The following DHRS1 variants were observed in gnomAD, a reference collection of about 807,000 sequenced individuals.
DHRS1 encodes the protein dehydrogenase/reductase SDR family member 1.
A neutral mutation model predicts 35.2 loss-of-function variants in DHRS1; 34 were observed. That is an observed-to-expected ratio of 0.97 (90% CI 0.74 to 1.29). The LOEUF (loss-of-function observed/expected upper bound fraction) is 1.29, where lower values mean the gene tolerates loss of function less well. Ranked by LOEUF, DHRS1 falls within the 50% of genes most tolerant of loss-of-function variation. The pLI is 0.00. For missense variants in DHRS1, 354 were observed against 403.6 expected, an observed-to-expected ratio of 0.88 and a Z score of 1.05; for synonymous variants, 133 against 160.0, an observed-to-expected ratio of 0.83 and a Z score of 1.27.
At chr14:24,296,646 G>A in intron 3 of DHRS1, 58 bp from the exon 4 acceptor site, 1 of 1,613,462 alleles carries the variant, frequency 6.2e-7, no homozygotes, top group Admixed American at 1.7e-5. Context: ...TGAGGGGCTG[G>A]GTAATGGAAG....
chr14:24,293,095 TAGAAAAA>T, intron 4 of DHRS1: 1 of 308,058 alleles, frequency 3.2e-6, no homozygotes, highest in South Asian at 5.2e-5. Flanking sequence ...AGTGTCTACA[TAGAAAAA>T]CTATAAAACC....
intron 4 of DHRS1, chr14:24,293,865 A>T (rs1566402881): frequency 6.6e-6 from 1 of 152,318 alleles, no homozygotes; most frequent in East Asian, 1.9e-4. Flanking sequence ...AAGACATAAT[A>T]GTTAAAAGAA....
In DHRS1 at chr14:24,296,487, G is replaced by A. The variant is rs573063395; in HGVS notation, c.374+22C>T. 3 of 1,613,562 alleles carry A rather than the reference G, an allele frequency of 1.9e-6. No homozygotes were observed. In the African/African-American group the frequency reaches 4.0e-5, roughly 22 times the overall value. ...TGGCTAAGTGAGTGAGGGAACATGG[G>A]TCCTGGCAGTGGAGCACCCACCTGA... On this transcript the variant is annotated intron_variant, in intron 4 of 8. Transcript: ENST00000288111.
At chr14:24,299,287 G>A (rs932412919) in intron 1 of DHRS1, 157 bp from the exon 2 acceptor site, 3 of 654,658 alleles carry the variant, frequency 4.6e-6, no homozygotes, top group Admixed American at 6.2e-5. Context: ...AACTGGGTGC[G>A]GGCCTGAGGA....
chr14:24,293,573 A>AAAATAAATAAATAAATAAATAAATAAAT (rs10529791), intron 4 of DHRS1: 4 of 150,400 alleles, frequency 2.7e-5, no homozygotes, highest in African/African-American at 7.3e-5. Context: ...GATTGTCTCA[A>AAAATAAATAAATAAATAAATAAATAAAT]AAATAAATAA....
intron 6 of DHRS1, 190 bp downstream of exon 6, chr14:24,291,994 T>G: frequency 1.4e-6 from 1 of 731,646 alleles, no homozygotes; most frequent in Non-Finnish European, 2.2e-6. Context: ...CTCTCTGGGT[T>G]TCAGTTTTGC....
At chr14:24,298,884 A>ATAAT in intron 2 of DHRS1, 73 bp downstream of exon 2, 1 of 1,473,598 alleles carries the variant, frequency 6.8e-7, no homozygotes, top group Non-Finnish European at 9.2e-7. Flanking sequence ...GTAAGGGATT[A>ATAAT]GGAAAGGAGC....
rs1313927394 is a variant in DHRS1 at position 24,299,103 on chromosome 14, C to T, written c.4G>A (p.Ala2Thr). 1.9e-6 allele frequency: 3 copies of T among 1,611,874 alleles called. 1 individual carries two copies. Among genetic ancestry groups the T allele is most frequent in the Middle Eastern group, 3.3e-4 (2 of 6,048 alleles). The change falls in exon 2 of 9, where the codon GCA becomes ACA. Residue 2 changes from alanine to threonine, a missense_variant. Coordinates refer to ENST00000288111, the MANE Select transcript of DHRS1 (RefSeq NM_001136050.3). ...CACACTTGGCCATTCATGGGAGCTG[C>T]CATGACTCACAGGCAAAGGAGGCAG... M[A>T]APMNGQVCVV...
At chr14:24,292,124 A>G (rs756799911) in intron 6 of DHRS1, 60 bp downstream of exon 6, 1 of 1,605,096 alleles carries the variant, frequency 6.2e-7, no homozygotes. Flanking sequence ...TGATCTTGTT[A>G]TTGAGGATGC....
chr14:24,292,889 G>A, intron 4 of DHRS1, 105 bp from the exon 5 acceptor site: 1 of 1,438,040 alleles, frequency 7.0e-7, no homozygotes, highest in East Asian at 2.5e-5. Flanking sequence ...TTGTCCACTA[G>A]GAAGGCTACA....
rs2041327781 is a variant in DHRS1, at chr14:24,299,592, G to A, written c.-36C>T. 7.7e-6 allele frequency: 2 copies of A among 260,702 alleles called. No homozygotes were observed. The highest frequency in any genetic ancestry group is 7.3e-6 in the Non-Finnish European group (1 of 136,376). 16.1% of individuals were successfully genotyped at this position (260,702 alleles called of 1,614,324 possible). A position where few individuals can be genotyped will look rare whatever the true frequency, so the allele number is the denominator to read the frequency against. ...CGTGCGCCGCTTACCTGCCACCTGCGCTGCCGCTGAGGTCTGCAGATTGCG... is the reference window on the plus strand; with the variant it reads ...CGTGCGCCGCTTACCTGCCACCTGCACTGCCGCTGAGGTCTGCAGATTGCG... On this transcript the variant is annotated 5_prime_UTR_variant, in exon 1 of 9. Transcript: ENST00000288111.
At chr14:24,292,104 T>G (rs1322540542) in intron 6 of DHRS1, 80 bp downstream of exon 6, 2 of 1,556,158 alleles carry the variant, frequency 1.3e-6, no homozygotes, top group African/African-American at 2.7e-5. Flanking sequence ...ACCTGGTGAG[T>G]GGGAGTATCT....
rs201053608 is a variant in DHRS1, at chr14:24,290,838, C to T, written c.*21G>A. Reference sequence around the variant, plus strand: ...GTCCAAATGAGAAGACAAGCAGAGACGTAGTGTCAGACCAGGAGGGTTAGA... The same window carrying T: ...GTCCAAATGAGAAGACAAGCAGAGATGTAGTGTCAGACCAGGAGGGTTAGA... On this transcript the variant is annotated 3_prime_UTR_variant, in exon 9 of 9. Coordinates refer to ENST00000288111, the MANE Select transcript of DHRS1 (RefSeq NM_001136050.3). 147 of 1,612,984 alleles carry T rather than the reference C, an allele frequency of 9.1e-5. No individual in the cohort carries two copies. The highest frequency in any genetic ancestry group is 4.0e-5 in the African/African-American group (3 of 74,664).
chr14:24,296,593 A>C lies in DHRS1; in HGVS notation c.295-5T>G. ...ATTCCTGGTGTTCAGGATCGTCTGG[A>C]AGGCACAGGGAGGGTGATGAATGAT... On this transcript the variant is annotated splice_polypyrimidine_tract_variant and splice_region_variant and intron_variant, in intron 3 of 8. Transcript: ENST00000288111. 1 of 1,614,064 alleles carries C rather than the reference A, an allele frequency of 6.2e-7. No individual in the cohort carries two copies. Among genetic ancestry groups the C allele is most frequent in the Non-Finnish European group, 8.5e-7 (1 of 1,180,018 alleles).
chr14:24,295,452 A>G (rs1438403994), intron 4 of DHRS1, among the ~76,000 whole-genome samples: 1 of 152,242 alleles, frequency 6.6e-6, no homozygotes, highest in African/African-American at 2.4e-5. Flanking sequence ...AATACAGAGG[A>G]AAGGCAGTAA....
chr14:24,292,646 C>T lies in DHRS1; in HGVS notation c.507+6G>A. The T allele has an allele frequency of 3.1e-6, 5 of 1,614,238 alleles. No homozygotes were observed. Among genetic ancestry groups the T allele is most frequent in the Non-Finnish European group, 3.4e-6 (4 of 1,180,038 alleles). On this transcript the variant is annotated splice_donor_region_variant and intron_variant, in intron 5 of 8. Transcript: ENST00000288111. ...CTCCTCAGCTCCTATGCCACTGGGT[C>T]CTCACCGCAGCTTTGCCCACACCAT...
In DHRS1 at chr14:24,290,948, C is replaced by T. The variant is rs773895645; in HGVS notation, c.853G>A (p.Val285Met). 16 of 1,614,066 alleles carry T rather than the reference C, an allele frequency of 9.9e-6. No homozygotes were observed. The highest frequency in any genetic ancestry group is 2.2e-5 in the East Asian group (1 of 44,868). The change falls in exon 9 of 9, where the codon GTG becomes ATG. Residue 285 changes from valine to methionine, a missense_variant. Transcript: ENST00000288111. ...GAGGCCAGCCAGCCCAGGCCGGACA[C>T]GTGTGAGAGAACAGAGCTCAAAGAC... ...YLSLSSVLSHVSGLGWLASYL... is the reference protein window; with the variant it reads ...YLSLSSVLSHMSGLGWLASYL...
At position 24,296,504 on chromosome 14, in the gene DHRS1, C is replaced by A. The variant is rs374567221; in HGVS notation, c.374+5G>T. On this transcript the variant is annotated splice_donor_5th_base_variant and intron_variant, in intron 4 of 8. Transcript: ENST00000288111. ...GAACATGGGTCCTGGCAGTGGAGCA[C>A]CCACCTGAGTCCGACGTTGTTGATA... The A allele has an allele frequency of 1.9e-6, 3 of 1,613,972 alleles. No individual in the cohort carries two copies. Among genetic ancestry groups the A allele is most frequent in the Non-Finnish European group, 2.5e-6 (3 of 1,179,988 alleles).
At chr14:24,299,218 G>A in intron 1 of DHRS1, 88 bp from the exon 2 acceptor site, 2 of 1,271,524 alleles carry the variant, frequency 1.6e-6, no homozygotes, top group Non-Finnish European at 2.1e-6. Context: ...AACCTCACTA[G>A]GGCTAAGAGG....
Sources: allele counts gnomAD v4.1 joint callset (sites outside exome capture counted in the v4.1 genomes callset), GRCh38; gene constraint gnomAD v4.1.1; transcripts MANE v1.5; gene names NCBI Gene and HGNC (gene_info 2026-07-23, HGNC 2026-07-21).